ADAM17: variants seen among roughly 807,000 people sequenced by gnomAD.
ADAM17 encodes ADAM metallopeptidase domain 17.
In ADAM17, 39 loss-of-function variants were observed where a neutral mutation model predicts 96.7. That is an observed-to-expected ratio of 0.40 (90% CI 0.31 to 0.53). The LOEUF (loss-of-function observed/expected upper bound fraction) is 0.53, where lower values mean the gene tolerates loss of function less well. ADAM17 is among the 20% of genes least tolerant of loss of function. ADAM17 has a pLI of 0.44. For synonymous variants in ADAM17, 344 were observed against 359.2 expected (o/e 0.96, Z 0.48); for missense variants, 777 against 1,013.2 (o/e 0.77, Z 3.17).
Position 9,540,537 on chromosome 2 carries a change from C to T in ADAM17, c.230+2616G>A, listed in dbSNP as rs184019985. Among the ~76,000 whole-genome samples, 739 of 152,032 alleles carry T rather than the reference C, an allele frequency of 4.9e-3. 10 individuals are homozygous for T. Among genetic ancestry groups the T allele is most frequent in the African/African-American group, 0.017 (705 of 41,466 alleles). On this transcript the variant is annotated intron_variant, in intron 2 of 18. Transcript: ENST00000310823. The stretch of plus-strand genomic sequence containing the variant: ...TTTGGTGTAAGTTGAAAGCTAATAA[C>T]CAATACTATAATATTCTGACATAAA...
At chr2:9,545,387 G>A (rs1665365357) in intron 1 of ADAM17, among the ~76,000 whole-genome samples, 1 of 151,958 alleles carries the variant, frequency 6.6e-6, no homozygotes, top group African/African-American at 2.4e-5. Flanking sequence ...TGGCCAACAT[G>A]GCAAAACCCT....
intron 1 of ADAM17, among the ~76,000 whole-genome samples, chr2:9,545,013 T>A (rs1220200859): frequency 1.3e-5 from 2 of 152,156 alleles, no homozygotes; most frequent in Non-Finnish European, 2.9e-5. Context: ...GTACATGAAC[T>A]CAGTTTCATT....
chr2:9,520,685 C>T (rs191934245), intron 8 of ADAM17, among the ~76,000 whole-genome samples: 13 of 152,130 alleles, frequency 8.5e-5, no homozygotes, highest in Admixed American at 6.5e-4. Flanking sequence ...CTGCTTTGGC[C>T]GGGCATGGTG....
At chr2:9,514,734 G>C (rs1467308767) in intron 10 of ADAM17, among the ~76,000 whole-genome samples, 1 of 151,188 alleles carries the variant, frequency 6.6e-6, no homozygotes, top group African/African-American at 2.4e-5. Context: ...TTAGCCGGGC[G>C]TGGTGGTGGG....
intron 8 of ADAM17, among the ~76,000 whole-genome samples, chr2:9,519,717 T>A (rs986881813): frequency 1.1e-4 from 17 of 152,048 alleles, no homozygotes; most frequent in African/African-American, 3.9e-4. Flanking sequence ...GATCAGAATA[T>A]ACACACACAC....
At chr2:9,502,140 A>C in intron 13 of ADAM17, 33 bp downstream of exon 13, 1 of 1,564,912 alleles carries the variant, frequency 6.4e-7, no homozygotes, top group Non-Finnish European at 8.8e-7. Flanking sequence ...CACTTGACCC[A>C]CAGCATTCCA....
chr2:9,541,634 TCTAA>T (rs1314278170), intron 2 of ADAM17, among the ~76,000 whole-genome samples: 4 of 152,192 alleles, frequency 2.6e-5, no homozygotes, highest in African/African-American at 4.8e-5. Flanking sequence ...GTCTGAGAAG[TCTAA>T]CTGAGTTAGA....
rs1664535774 is a variant in ADAM17 at position 9,526,500 on chromosome 2, G to A, written c.620-256C>T. Among the ~76,000 whole-genome samples the A allele has an allele frequency of 3.9e-5, 6 of 152,170 alleles. No homozygotes were observed. The South Asian group carries it at 1.2e-3, about 31-fold the overall frequency. On this transcript the variant is annotated intron_variant, in intron 5 of 18. Transcript: ENST00000310823. ...TTCCAATACAGAAACTTTAAAAAGT[G>A]CTCAACAGAGTAAGGCCGGGCATGT...
intron 11 of ADAM17, among the ~76,000 whole-genome samples, chr2:9,509,213 G>C (rs577531187): frequency 4.3e-4 from 66 of 152,110 alleles, no homozygotes; most frequent in African/African-American, 1.6e-3. Flanking sequence ...TCTCCCCACC[G>C]ACCCTCTTTA....
chr2:9,491,138 T>C lies in ADAM17; in HGVS notation c.2096A>G (p.Asp699Gly). 6.2e-7 allele frequency: 1 copy of C among 1,613,140 alleles called. No individual in the cohort carries two copies. The highest frequency in any genetic ancestry group is 8.5e-7 in the Non-Finnish European group (1 of 1,179,220). The change falls in exon 18 of 19, where the codon GAT (aspartate) becomes GGT (glycine). Residue 699 changes from aspartate to glycine, a missense_variant. By Grantham distance (94) the Asp-to-Gly change is moderately conservative. Transcript: ENST00000310823. ...ILVHCVDKKL[D>G]KQYESLSLFH... ...CAGAGACAGAGATTCATACTGTTTA[T>C]CCAATTTCTTATCCTAGAAAGAAAC...
intron 2 of ADAM17, among the ~76,000 whole-genome samples, chr2:9,540,655 C>G (rs1181382618): frequency 6.6e-6 from 1 of 152,100 alleles, no homozygotes; most frequent in East Asian, 1.9e-4. Context: ...CTAAAATAAC[C>G]ACATGACAAT....
Position 9,555,657 on chromosome 2 carries a change from G to A in ADAM17, c.-52C>T, listed in dbSNP as rs1665728230. 6 of 1,458,324 alleles carry A rather than the reference G, an allele frequency of 4.1e-6. No individual in the cohort carries two copies. Among genetic ancestry groups the A allele is most frequent in the Non-Finnish European group, 4.6e-6 (5 of 1,084,554 alleles). 90.3% of individuals were successfully genotyped at this position (1,458,324 alleles called of 1,614,324 possible). A position where few individuals can be genotyped will look rare whatever the true frequency, so the allele number is the denominator to read the frequency against. On this transcript the variant is annotated 5_prime_UTR_variant, in exon 1 of 19. Coordinates refer to ENST00000310823, the MANE Select transcript of ADAM17 (RefSeq NM_003183.6). ...CTCTCTGGGCAGCCTTCGCCTGACG[G>A]GGTTTCGGAAAACTGCTCACATCGG...
At chr2:9,503,729 T>C (rs779780967) in intron 12 of ADAM17, among the ~76,000 whole-genome samples, 31 of 148,858 alleles carry the variant, frequency 2.1e-4, no homozygotes, top group Non-Finnish European at 3.3e-4. Context: ...TCCCAGCTAC[T>C]GGGGAGGCTG....
chr2:9,506,100 A>G (rs565515604), intron 11 of ADAM17, among the ~76,000 whole-genome samples: 13 of 152,284 alleles, frequency 8.5e-5, no homozygotes, highest in South Asian at 2.1e-4. Context: ...AAGTTATCAA[A>G]AAAAGAAGAG....
chr2:9,492,182 G>T (rs1307972580), intron 17 of ADAM17, among the ~76,000 whole-genome samples: 1 of 152,222 alleles, frequency 6.6e-6, no homozygotes, highest in Non-Finnish European at 1.5e-5. Flanking sequence ...AGGCCACTAT[G>T]AAAGAGTTTG....
At chr2:9,492,697 C>T (rs541584620) in intron 17 of ADAM17, among the ~76,000 whole-genome samples, 37 of 152,180 alleles carry the variant, frequency 2.4e-4, no homozygotes, top group Admixed American at 2.1e-3. Flanking sequence ...CACCAACACA[C>T]AAAAATAGTA....
intron 1 of ADAM17, among the ~76,000 whole-genome samples, chr2:9,552,261 T>C (rs566221026): frequency 7.2e-5 from 11 of 152,340 alleles, no homozygotes; most frequent in Non-Finnish European, 1.5e-4. Flanking sequence ...AGGAAACCTA[T>C]ATTTAATGTT....
At chr2:9,527,745 T>C (rs376362593) in intron 5 of ADAM17, 41 bp downstream of exon 5, 2 of 1,366,288 alleles carry the variant, frequency 1.5e-6, no homozygotes, top group African/African-American at 3.0e-5. Flanking sequence ...TCAATTGTAG[T>C]ATGTTTGTTT....
intron 4 of ADAM17, among the ~76,000 whole-genome samples, chr2:9,529,789 C>T (rs182116625): frequency 5.1e-4 from 78 of 152,042 alleles, no homozygotes; most frequent in Non-Finnish European, 9.0e-4. Context: ...CTGACCAACA[C>T]GGTGAAACCC....
Sources: gnomAD v4.1 joint callset for allele counts (sites outside exome capture counted in the v4.1 genomes callset) on GRCh38, gnomAD v4.1.1 for gene constraint, MANE v1.5 for transcripts, NCBI Gene and HGNC (gene_info 2026-07-23, HGNC 2026-07-21) for gene names.